The following SLC25A21 variants were observed in gnomAD, a reference collection of about 807,000 sequenced individuals.
SLC25A21 encodes the protein mitochondrial 2-oxodicarboxylate carrier.
Under a neutral mutation model 43.8 loss-of-function variants are expected in SLC25A21, and 47 were observed. That is an observed-to-expected ratio of 1.07 (90% CI 0.85 to 1.37). SLC25A21 has a LOEUF of 1.37. SLC25A21 is among the 40% of genes most tolerant of loss of function. SLC25A21 has a pLI of 0.00. For missense variants in SLC25A21, 352 were observed against 350.2 expected, an observed-to-expected ratio of 1.00 and a Z score of -0.04; for synonymous variants, 131 against 121.3, an observed-to-expected ratio of 1.08 and a Z score of -0.52.
intron 2 of SLC25A21, among the ~76,000 whole-genome samples, chr14:36,841,158 G>GT (rs1322000520): frequency 4.6e-5 from 7 of 152,162 alleles, no homozygotes; most frequent in African/African-American, 7.2e-5. Context: ...CATGTAGTGT[G>GT]TAAGGATTTC....
chr14:37,050,105 A>T (rs1326230180), intron 1 of SLC25A21, among the ~76,000 whole-genome samples: 1 of 152,244 alleles, frequency 6.6e-6, no homozygotes, highest in Non-Finnish European at 1.5e-5. Context: ...AAAGGCAATC[A>T]CTATTTCCAA....
At chr14:36,865,714 C>G (rs1890195217) in intron 2 of SLC25A21, among the ~76,000 whole-genome samples, 1 of 152,164 alleles carries the variant, frequency 6.6e-6, no homozygotes, top group African/African-American at 2.4e-5. Flanking sequence ...TAAGAATCAC[C>G]AGGGAGGTTG....
chr14:36,964,060 A>C (rs1195134694), intron 1 of SLC25A21, among the ~76,000 whole-genome samples: 2 of 152,160 alleles, frequency 1.3e-5, no homozygotes, highest in Non-Finnish European at 2.9e-5. Flanking sequence ...GAAAAACCAA[A>C]ATGGGTAAAT....
chr14:36,986,499 T>G (rs937708310), intron 1 of SLC25A21, among the ~76,000 whole-genome samples: 1 of 152,188 alleles, frequency 6.6e-6, no homozygotes, highest in Non-Finnish European at 1.5e-5. Flanking sequence ...CTTCCCACAA[T>G]GCGGTTGCTT....
chr14:36,947,899 C>T (rs901164709), intron 1 of SLC25A21, among the ~76,000 whole-genome samples: 1 of 152,074 alleles, frequency 6.6e-6, no homozygotes, highest in African/African-American at 2.4e-5. Context: ...AGGCATTACT[C>T]GATTCTAAAT....
At chr14:37,075,019 T>C (rs1357291496) in intron 1 of SLC25A21, among the ~76,000 whole-genome samples, 2 of 152,174 alleles carry the variant, frequency 1.3e-5, no homozygotes, top group East Asian at 1.9e-4. Context: ...ACATGGACCC[T>C]GTGAAGTTAA....
At chr14:36,811,298 A>G (rs536144648) in intron 3 of SLC25A21, among the ~76,000 whole-genome samples, 21 of 152,336 alleles carry the variant, frequency 1.4e-4, no homozygotes, top group African/African-American at 4.6e-4. Flanking sequence ...AGAATAGGAA[A>G]TGGAGAATCA....
At chr14:36,782,479 G>A (rs1208554348) in intron 3 of SLC25A21, among the ~76,000 whole-genome samples, 3 of 151,842 alleles carry the variant, frequency 2.0e-5, no homozygotes, top group Non-Finnish European at 2.9e-5. Flanking sequence ...ATATTCCCTT[G>A]GATTGTTGTG....
intron 3 of SLC25A21, among the ~76,000 whole-genome samples, chr14:36,770,150 A>C (rs1248443540): frequency 1.3e-5 from 2 of 152,232 alleles, no homozygotes; most frequent in East Asian, 1.9e-4. Context: ...CTGGATAAAG[A>C]AAATGTGGTA....
intron 1 of SLC25A21, among the ~76,000 whole-genome samples, chr14:37,095,571 T>C (rs1349975245): frequency 1.3e-5 from 2 of 151,882 alleles, no homozygotes; most frequent in Non-Finnish European, 2.9e-5. Flanking sequence ...AAAAACAAAC[T>C]GCAGAAAAGG....
At chr14:37,051,645 C>T (rs1290898156) in intron 1 of SLC25A21, among the ~76,000 whole-genome samples, 2 of 152,078 alleles carry the variant, frequency 1.3e-5, no homozygotes, top group Non-Finnish European at 2.9e-5. Context: ...TACTTCAATA[C>T]CGAGGGATGA....
Position 36,853,329 on chromosome 14 carries a change from C to T in SLC25A21, c.119+21627G>A, listed in dbSNP as rs370287795. On this transcript the variant is annotated intron_variant, in intron 2 of 9. Transcript: ENST00000331299. ...CATTTTACAGCAGATTGTCTGAACG[C>T]TTCTCATCATAACACTACACTACTG... Among the ~76,000 whole-genome samples the T allele has an allele frequency of 2.7e-3, 412 of 152,316 alleles. 2 individuals are homozygous for T. Among genetic ancestry groups the T allele is most frequent in the African/African-American group, 9.2e-3 (384 of 41,578 alleles).
intron 1 of SLC25A21, among the ~76,000 whole-genome samples, chr14:36,965,973 C>G (rs1329634622): frequency 6.6e-6 from 1 of 152,056 alleles, no homozygotes; most frequent in Non-Finnish European, 1.5e-5. Context: ...CATGCATGTA[C>G]CAAAATATCT....
intron 1 of SLC25A21, among the ~76,000 whole-genome samples, chr14:37,080,241 T>A (rs1337260244): frequency 6.6e-6 from 1 of 152,202 alleles, no homozygotes; most frequent in African/African-American, 2.4e-5. Context: ...GTAGCATTCA[T>A]CATATACTGT....
chr14:36,684,686 C>T (rs941577145), intron 8 of SLC25A21, 58 bp downstream of exon 8: 20 of 1,477,034 alleles, frequency 1.4e-5, no homozygotes, highest in African/African-American at 1.3e-4. Context: ...AAGGACAATA[C>T]GGTTCTAACA....
At position 37,143,401 on chromosome 14, in the gene SLC25A21, C is replaced by T. The variant is rs373609383; in HGVS notation, c.70+28880G>A. Among the ~76,000 whole-genome samples, 9 of 152,314 alleles carry T rather than the reference C, an allele frequency of 5.9e-5. No individual in the cohort carries two copies. The East Asian group carries it at 1.5e-3, about 26-fold the overall frequency. ...CCACACATACCTGCTGTCACAGGGG[C>T]TGGCTATACAAAACACCCAAGAAAT... is the stretch of plus-strand genomic sequence containing the variant. On this transcript the variant is annotated intron_variant, in intron 1 of 9. Transcript: ENST00000331299.
At chr14:37,156,913 C>A (rs563784154) in intron 1 of SLC25A21, among the ~76,000 whole-genome samples, 96 of 152,288 alleles carry the variant, frequency 6.3e-4, no homozygotes, top group African/African-American at 2.0e-3. Flanking sequence ...ATTTAAACTG[C>A]ACATTAGATC....
chr14:36,770,308 C>T (rs908006041), intron 3 of SLC25A21, among the ~76,000 whole-genome samples: 5 of 151,978 alleles, frequency 3.3e-5, no homozygotes, highest in Non-Finnish European at 4.4e-5. Context: ...TATAAGTGGG[C>T]GCTAAATATT....
chr14:36,890,851 C>T (rs1891054487), intron 1 of SLC25A21, among the ~76,000 whole-genome samples: 1 of 152,128 alleles, frequency 6.6e-6, no homozygotes, highest in African/African-American at 2.4e-5. Context: ...CTATAATGAC[C>T]ACAATATGTA....
Sources: gnomAD v4.1 joint callset for allele counts (sites outside exome capture counted in the v4.1 genomes callset) on GRCh38, gnomAD v4.1.1 for gene constraint, MANE v1.5 for transcripts, NCBI Gene and HGNC (gene_info 2026-07-23, HGNC 2026-07-21) for gene names.